SORCS2: variants seen among roughly 807,000 people sequenced by gnomAD.
SORCS2 encodes VPS10 domain-containing receptor SorCS2.
A neutral mutation model predicts 141.6 loss-of-function variants in SORCS2; 100 were observed. That is an observed-to-expected ratio of 0.71 (90% CI 0.60 to 0.83). The LOEUF (loss-of-function observed/expected upper bound fraction) is 0.83. Ranked by LOEUF, SORCS2 falls within the 40% of genes least tolerant of loss-of-function variation. The pLI is 0.00. For synonymous variants in SORCS2, 789 were observed against 676.9 expected (o/e 1.17, Z -2.57); for missense variants, 1,646 against 1,560.2 (o/e 1.05, Z -0.93).
At chr4:7,212,105 C>T (rs536871161) in intron 1 of SORCS2, among the ~76,000 whole-genome samples, 1 of 152,216 alleles carries the variant, frequency 6.6e-6, no homozygotes, top group African/African-American at 2.4e-5. Flanking sequence ...AAGATGGGAG[C>T]GGAGTGTAGG....
At position 7,722,900 on chromosome 4, in the gene SORCS2, C is replaced by T. The variant is rs1049672239; in HGVS notation, c.2425-797C>T. Among the ~76,000 whole-genome samples the T allele has an allele frequency of 4.6e-5, 7 of 152,128 alleles. 1 individual carries two copies. The highest frequency in any genetic ancestry group is 1.7e-4 in the African/African-American group (7 of 41,418). On this transcript the variant is annotated intron_variant, in intron 18 of 26. Coordinates refer to ENST00000507866, the MANE Select transcript of SORCS2 (RefSeq NM_020777.3). The stretch of plus-strand genomic sequence containing the variant: ...GTAATCACGCTGTTTCCTCCATCAT[C>T]ACTAGGAAACGGTTTCCTCGTGCCC...
chr4:7,423,018 C>G (rs924344605), intron 2 of SORCS2, among the ~76,000 whole-genome samples: 1 of 148,596 alleles, frequency 6.7e-6, no homozygotes, highest in African/African-American at 2.5e-5. Context: ...CCTCTCTCCA[C>G]TTCTCAGCCT....
chr4:7,694,206 C>A (rs1246571040), intron 11 of SORCS2, among the ~76,000 whole-genome samples: 3 of 152,124 alleles, frequency 2.0e-5, no homozygotes, highest in Non-Finnish European at 4.4e-5. Flanking sequence ...CTGCTGGCAT[C>A]AAGGAAGGGC....
rs7663860 is a variant in SORCS2 at position 7,419,321 on chromosome 4, C to A, written c.548+22966C>A. ...GATCCAGGACTCCATCTGGAGAAGACCTTTTTGCTGGGTAGAGGTCTCTCA... is the reference window on the plus strand; with the variant it reads ...GATCCAGGACTCCATCTGGAGAAGAACTTTTTGCTGGGTAGAGGTCTCTCA... On this transcript the variant is annotated intron_variant, in intron 2 of 26. Coordinates refer to ENST00000507866, the MANE Select transcript of SORCS2 (RefSeq NM_020777.3). Among the ~76,000 whole-genome samples the A allele has an allele frequency of 7.9e-3, 1,198 of 152,142 alleles. 9 individuals carry two copies. Among genetic ancestry groups the A allele is most frequent in the African/African-American group, 0.027 (1,112 of 41,502 alleles).
chr4:7,361,947 G>C (rs1337546436), intron 1 of SORCS2, among the ~76,000 whole-genome samples: 2 of 152,216 alleles, frequency 1.3e-5, no homozygotes, highest in South Asian at 4.2e-4. Context: ...TACCCCAGGA[G>C]GGGGCATGCT....
intron 1 of SORCS2, among the ~76,000 whole-genome samples, chr4:7,223,324 C>G (rs1340159168): frequency 1.3e-5 from 2 of 152,178 alleles, no homozygotes; most frequent in East Asian, 3.9e-4. Flanking sequence ...CACACTCACA[C>G]ACAGAGTTTG....
chr4:7,358,734 T>G (rs1193340245), intron 1 of SORCS2, among the ~76,000 whole-genome samples: 1 of 152,234 alleles, frequency 6.6e-6, no homozygotes, highest in African/African-American at 2.4e-5. Flanking sequence ...TTTTGGAATG[T>G]GTTGAGATTT....
At chr4:7,597,194 G>T (rs1717326962) in intron 3 of SORCS2, among the ~76,000 whole-genome samples, 1 of 151,362 alleles carries the variant, frequency 6.6e-6, no homozygotes, top group South Asian at 2.1e-4. Context: ...TATTACAATG[G>T]AAGAGGGGGC....
At chr4:7,487,657 C>T (rs1731073101) in intron 2 of SORCS2, among the ~76,000 whole-genome samples, 1 of 152,192 alleles carries the variant, frequency 6.6e-6, no homozygotes, top group Non-Finnish European at 1.5e-5. Context: ...CCCCTAGACT[C>T]ACGTAGCGGT....
intron 25 of SORCS2, among the ~76,000 whole-genome samples, chr4:7,735,178 C>A (rs1264336626): frequency 1.3e-5 from 2 of 152,234 alleles, no homozygotes; most frequent in South Asian, 2.1e-4. Context: ...TATTGTTTCT[C>A]CCCTGCCTGC....
rs960105866 is a variant in SORCS2 at position 7,673,029 on chromosome 4, A to G, written c.1162-3021A>G. Among the ~76,000 whole-genome samples the G allele has an allele frequency of 4.6e-5, 7 of 152,356 alleles. No homozygotes were observed. In the East Asian group the frequency reaches 5.8e-4, roughly 13 times the overall value. On this transcript the variant is annotated intron_variant, in intron 8 of 26. Coordinates refer to ENST00000507866, the MANE Select transcript of SORCS2 (RefSeq NM_020777.3). ...ATCACATATACTATATGTATATTTGAATGTGTCTTACATCCTTCATGTAAA... is the reference window on the plus strand; with the variant it reads ...ATCACATATACTATATGTATATTTGGATGTGTCTTACATCCTTCATGTAAA...
chr4:7,690,425 T>TGTGG (rs1339122274), intron 11 of SORCS2, among the ~76,000 whole-genome samples: 3 of 138,962 alleles, frequency 2.2e-5, no homozygotes, highest in Non-Finnish European at 3.1e-5. Flanking sequence ...ATGGTGGGTG[T>TGTGG]GTGGGTGGGT....
intron 1 of SORCS2, among the ~76,000 whole-genome samples, chr4:7,384,649 C>G (rs1723184390): frequency 6.6e-6 from 1 of 152,244 alleles, no homozygotes; most frequent in Admixed American, 6.5e-5. Context: ...CCACCCAAGA[C>G]CCTTCTTGGG....
chr4:7,651,625 T>C (rs1330887038), intron 4 of SORCS2, among the ~76,000 whole-genome samples: 1 of 152,208 alleles, frequency 6.6e-6, no homozygotes, highest in Non-Finnish European at 1.5e-5. Context: ...TTGGAGGAAG[T>C]TACATGCAGG....
In SORCS2 at chr4:7,595,460, A is replaced by C. The variant is rs369270974; in HGVS notation, c.649-42868A>C. On this transcript the variant is annotated intron_variant, in intron 3 of 26. Transcript: ENST00000507866. The stretch of plus-strand genomic sequence containing the variant: ...GTCAGGGGTTAGGGCTGAAAGCCCC[A>C]AAACTCTAACCCTGCCTTGGTCCTT... Among the ~76,000 whole-genome samples the C allele has an allele frequency of 1.5e-4, 23 of 152,258 alleles. No homozygotes were observed. The East Asian group carries it at 4.5e-3, about 30-fold the overall frequency.
intron 2 of SORCS2, among the ~76,000 whole-genome samples, chr4:7,459,185 C>T (rs1305520856): frequency 6.6e-6 from 1 of 152,140 alleles, no homozygotes; most frequent in African/African-American, 2.4e-5. Context: ...GATCCGAGCC[C>T]TCCCTGCCCC....
intron 2 of SORCS2, among the ~76,000 whole-genome samples, chr4:7,457,842 G>A (rs1266437707): frequency 6.6e-6 from 1 of 152,212 alleles, no homozygotes; most frequent in African/African-American, 2.4e-5. Flanking sequence ...GGCCCTGGGG[G>A]TTTTAGTTTT....
intron 1 of SORCS2, among the ~76,000 whole-genome samples, chr4:7,311,567 C>A (rs895739870): frequency 6.6e-6 from 1 of 152,146 alleles, no homozygotes; most frequent in Non-Finnish European, 1.5e-5. Context: ...ACTTTAGAGT[C>A]GTGTTTTTAG....
At chr4:7,724,483 A>ATGGTGGTGGTGATGG (rs1726925678) in intron 19 of SORCS2, among the ~76,000 whole-genome samples, 1 of 97,330 alleles carries the variant, frequency 1.0e-5, no homozygotes, top group African/African-American at 4.9e-5. Context: ...GATGGTGGTG[A>ATGGTGGTGGTGATGG]TGGTGGTGGT....
Sources: gnomAD v4.1 joint callset for allele counts (sites outside exome capture counted in the v4.1 genomes callset) on GRCh38, gnomAD v4.1.1 for gene constraint, MANE v1.5 for transcripts, NCBI Gene and HGNC (gene_info 2026-07-23, HGNC 2026-07-21) for gene names.